The following NLGN1 variants were observed in gnomAD, a reference collection of about 807,000 sequenced individuals.
NLGN1 encodes neuroligin 1, also known as neuroligin-1.
Under a neutral mutation model 65.5 loss-of-function variants are expected in NLGN1, and 12 were observed. That is an observed-to-expected ratio of 0.18 (90% CI 0.12 to 0.30). The LOEUF is 0.30. NLGN1 is among the 10% of genes least tolerant of loss of function. The pLI is 1.00. For missense variants in NLGN1, 750 were observed against 1,007.1 expected (o/e 0.74, Z 3.46); for synonymous variants, 350 against 359.5 (o/e 0.97, Z 0.30).
intron 2 of NLGN1, among the ~76,000 whole-genome samples, chr3:173,595,051 G>A (rs1440176095): frequency 6.6e-6 from 1 of 152,202 alleles, no homozygotes; most frequent in Non-Finnish European, 1.5e-5. Flanking sequence ...CCTTAGACAT[G>A]CCCTGGAGGC....
chr3:174,163,175 A>T (rs552398970), intron 4 of NLGN1, among the ~76,000 whole-genome samples: 1 of 151,986 alleles, frequency 6.6e-6, no homozygotes, highest in Non-Finnish European at 1.5e-5. Context: ...TTCTAGGTAG[A>T]ATCGAAAATA....
chr3:173,906,650 A>C (rs1471078986), intron 4 of NLGN1, among the ~76,000 whole-genome samples: 1 of 152,076 alleles, frequency 6.6e-6, no homozygotes, highest in Non-Finnish European at 1.5e-5. Context: ...TTTTTCTATA[A>C]CACTATATTT....
At chr3:173,405,144 C>T (rs1056166600) in intron 1 of NLGN1, among the ~76,000 whole-genome samples, 1 of 152,048 alleles carries the variant, frequency 6.6e-6, no homozygotes, top group African/African-American at 2.4e-5. Flanking sequence ...AAATAGTATG[C>T]ATGTGTTGAT....
intron 3 of NLGN1, among the ~76,000 whole-genome samples, chr3:173,760,356 A>G (rs1269775969): frequency 6.6e-6 from 1 of 151,928 alleles, no homozygotes. Context: ...CATGAATATA[A>G]TTATTCACTA....
chr3:173,751,173 T>C (rs1776252772), intron 3 of NLGN1, among the ~76,000 whole-genome samples: 2 of 152,106 alleles, frequency 1.3e-5, no homozygotes, highest in East Asian at 1.9e-4. Flanking sequence ...CGCACATCTA[T>C]AATAGGACTA....
chr3:173,422,192 A>T (rs931660545), intron 1 of NLGN1, among the ~76,000 whole-genome samples: 2 of 152,038 alleles, frequency 1.3e-5, no homozygotes, highest in Admixed American at 6.5e-5. Flanking sequence ...ATTCAGCTAT[A>T]AAAAGAAGGA....
At chr3:173,785,551 T>C (rs1323872420) in intron 3 of NLGN1, among the ~76,000 whole-genome samples, 3 of 152,180 alleles carry the variant, frequency 2.0e-5, no homozygotes, top group South Asian at 4.1e-4. Flanking sequence ...TTGTCAGTAC[T>C]AGATAAATTT....
At chr3:173,457,093 G>A (rs1185568226) in intron 2 of NLGN1, among the ~76,000 whole-genome samples, 4 of 152,090 alleles carry the variant, frequency 2.6e-5, no homozygotes, top group African/African-American at 9.7e-5. Context: ...GATGTATTCA[G>A]TGGAGGATGA....
chr3:173,579,105 A>G (rs191856318), intron 2 of NLGN1, among the ~76,000 whole-genome samples: 14 of 152,342 alleles, frequency 9.2e-5, no homozygotes, highest in East Asian at 5.8e-4. Context: ...CCCTTTTAAG[A>G]GTCCCTCTGT....
chr3:173,659,630 A>G (rs1760625070), intron 3 of NLGN1, among the ~76,000 whole-genome samples: 1 of 151,896 alleles, frequency 6.6e-6, no homozygotes, highest in African/African-American at 2.4e-5. Flanking sequence ...TATTATATAT[A>G]TATGTATATT....
At chr3:173,650,342 G>A (rs1372730392) in intron 3 of NLGN1, among the ~76,000 whole-genome samples, 1 of 152,136 alleles carries the variant, frequency 6.6e-6, no homozygotes, top group Admixed American at 6.5e-5. Context: ...AAATATGAAT[G>A]TAGATATAGA....
At chr3:174,084,110 T>A (rs368591229) in intron 4 of NLGN1, among the ~76,000 whole-genome samples, 1 of 152,298 alleles carries the variant, frequency 6.6e-6, no homozygotes, top group Admixed American at 6.5e-5. Context: ...TTTTAAAGAA[T>A]TTTTTTAACT....
chr3:173,882,502 A>G (rs1225019532), intron 4 of NLGN1, among the ~76,000 whole-genome samples: 1 of 152,220 alleles, frequency 6.6e-6, no homozygotes, highest in Non-Finnish European at 1.5e-5. Context: ...CTTCTGGATA[A>G]CTTGCTACAG....
chr3:174,204,851 T>A (rs74783160), intron 4 of NLGN1, among the ~76,000 whole-genome samples: 1 of 9,730 alleles, frequency 1.0e-4, no homozygotes, highest in African/African-American at 4.1e-4. Context: ...TCAAACAGGT[T>A]TTTTTTTTAG....
At chr3:174,204,235 A>G (rs1735020784) in intron 4 of NLGN1, among the ~76,000 whole-genome samples, 1 of 152,192 alleles carries the variant, frequency 6.6e-6, no homozygotes. Flanking sequence ...ATAACTTCTA[A>G]TTCCAGAGCA....
rs367747742 is a variant in NLGN1 at position 173,416,522 on chromosome 3, A to G, written c.-390+18035A>G. Among the ~76,000 whole-genome samples, 11 of 152,182 alleles carry G rather than the reference A, an allele frequency of 7.2e-5. 1 individual carries two copies. The highest frequency in any genetic ancestry group is 4.2e-4 in the South Asian group (2 of 4,818). ...CTAACTCATATTTCTTTTGCTTTCT[A>G]TTTTCTAAAAGACTCCGTGTTTCAG... is the stretch of plus-strand genomic sequence containing the variant. On this transcript the variant is annotated intron_variant, in intron 1 of 6. Transcript: ENST00000457714.
At chr3:173,763,422 G>T (rs1465376674) in intron 3 of NLGN1, among the ~76,000 whole-genome samples, 1 of 151,992 alleles carries the variant, frequency 6.6e-6, no homozygotes, top group African/African-American at 2.4e-5. Context: ...GTAATTTCAT[G>T]CCCTGTTGAA....
At chr3:173,963,418 G>T (rs147536619) in intron 4 of NLGN1, among the ~76,000 whole-genome samples, 1 of 152,066 alleles carries the variant, frequency 6.6e-6, no homozygotes, top group South Asian at 2.1e-4. Context: ...CACTTCACAG[G>T]TTACATTTTA....
chr3:173,468,739 G>C (rs1200288266), intron 2 of NLGN1, among the ~76,000 whole-genome samples: 3 of 151,956 alleles, frequency 2.0e-5, no homozygotes, highest in Non-Finnish European at 4.4e-5. Context: ...TATCAAGAAG[G>C]TTCTGTCCGT....
Sources: gnomAD v4.1 joint callset for allele counts (sites outside exome capture counted in the v4.1 genomes callset) on GRCh38, gnomAD v4.1.1 for gene constraint, MANE v1.5 for transcripts, NCBI Gene and HGNC (gene_info 2026-07-23, HGNC 2026-07-21) for gene names.